The following MYO5B variants were observed in gnomAD, a reference collection of about 807,000 sequenced individuals.
The protein encoded by MYO5B is unconventional myosin-Vb.
Under a neutral mutation model 229.3 loss-of-function variants are expected in MYO5B, and 143 were observed. The observed-to-expected ratio is 0.62, with a 90% confidence interval of 0.54 to 0.72. The LOEUF (loss-of-function observed/expected upper bound fraction) is 0.72. Ranked by LOEUF, MYO5B falls within the 30% of genes least tolerant of loss-of-function variation. The pLI, the probability that MYO5B is intolerant of heterozygous loss-of-function variation, is 0.00. For synonymous variants in MYO5B, 918 were observed against 885.2 expected (o/e 1.04, Z -0.66); for missense variants, 2,321 against 2,331.0 (o/e 1.00, Z 0.09).
chr18:49,936,296 G>A lies in MYO5B; in HGVS notation c.1959C>T (p.His653=). Residue 653 remains histidine, a synonymous_variant, in exon 16 of 40, where the codon CAC becomes CAT. Coordinates refer to ENST00000285039, the MANE Select transcript of MYO5B (RefSeq NM_001080467.3). ...CGTTGGGCTTGATGCAGCGGACATA[G>A]TGAGGTGTCGTGGCATTCAGGGTCT... ...LMETLNATTP[H]YVRCIKPNDE... The A allele has an allele frequency of 6.2e-7, 1 of 1,604,210 alleles. No individual in the cohort carries two copies. Among genetic ancestry groups the A allele is most frequent in the Non-Finnish European group, 8.5e-7 (1 of 1,174,840 alleles).
At position 50,067,123 on chromosome 18, in the gene MYO5B, C is replaced by A. The variant is rs1411740936; in HGVS notation, c.28-11745G>T. ...GAGAGATGAGATTGCGTGAAATGTA[C>A]CCTTTATCCACTCTACTATGAAGAT... On this transcript the variant is annotated intron_variant, in intron 1 of 39. Coordinates refer to ENST00000285039, the MANE Select transcript of MYO5B (RefSeq NM_001080467.3). Among the ~76,000 whole-genome samples the A allele has an allele frequency of 2.0e-5, 3 of 152,104 alleles. 1 individual carries two copies. The highest frequency in any genetic ancestry group is 1.3e-4 in the Admixed American group (2 of 15,270).
intron 1 of MYO5B, among the ~76,000 whole-genome samples, chr18:50,069,206 G>T (rs2030894321): frequency 6.6e-6 from 1 of 152,174 alleles, no homozygotes; most frequent in African/African-American, 2.4e-5. Flanking sequence ...ACCATTGGAT[G>T]TTTAAAACAT....
chr18:49,997,369 C>CTTTT (rs34011258), intron 5 of MYO5B, among the ~76,000 whole-genome samples: 11 of 60,346 alleles, frequency 1.8e-4, no homozygotes, highest in Non-Finnish European at 2.4e-4. Flanking sequence ...TCCTTTCTTT[C>CTTTT]TTTTTTTTTT....
At chr18:49,987,209 A>G (rs139166499) in intron 7 of MYO5B, among the ~76,000 whole-genome samples, 1,707 of 152,138 alleles carry the variant, frequency 0.011, 13 homozygotes, top group South Asian at 0.025. Flanking sequence ...ACTTCCTCAG[A>G]CTGAGGCTTG....
At chr18:49,827,185 C>T (rs973365049) in intron 39 of MYO5B, among the ~76,000 whole-genome samples, 40 of 152,226 alleles carry the variant, frequency 2.6e-4, no homozygotes, top group African/African-American at 6.8e-4. Context: ...TTATAACAAT[C>T]GGGAGACTGA....
chr18:50,124,526 A>AAATAG, intron 1 of MYO5B, among the ~76,000 whole-genome samples: 1 of 151,646 alleles, frequency 6.6e-6, no homozygotes, highest in South Asian at 2.1e-4. Context: ...AGTGAATGTT[A>AAATAG]AAAAGAAAAA....
chr18:50,008,757 T>C (rs1277814812), intron 4 of MYO5B, among the ~76,000 whole-genome samples: 3 of 152,172 alleles, frequency 2.0e-5, no homozygotes, highest in South Asian at 4.1e-4. Flanking sequence ...AGCCCCTCTA[T>C]ATCATTTCAT....
At chr18:49,914,111 T>C (rs921402470) in intron 17 of MYO5B, among the ~76,000 whole-genome samples, 5 of 152,198 alleles carry the variant, frequency 3.3e-5, no homozygotes, top group African/African-American at 1.2e-4. Flanking sequence ...AAGTGGGCAC[T>C]GAGCTGGTTA....
At chr18:49,946,477 TCACA>T (rs1240566556) in intron 14 of MYO5B, 1 of 152,138 alleles carries the variant, frequency 6.6e-6, no homozygotes, top group Non-Finnish European at 1.5e-5. Context: ...GTATGAAAAA[TCACA>T]CTAGGAACTT....
At chr18:50,043,104 G>A (rs1483872743) in intron 2 of MYO5B, among the ~76,000 whole-genome samples, 3 of 150,946 alleles carry the variant, frequency 2.0e-5, no homozygotes, top group Admixed American at 6.7e-5. Flanking sequence ...AGGAAAAGAA[G>A]TCATTACATG....
At chr18:50,062,320 A>T (rs777400082) in intron 1 of MYO5B, among the ~76,000 whole-genome samples, 3 of 152,186 alleles carry the variant, frequency 2.0e-5, no homozygotes, top group Admixed American at 2.0e-4. Flanking sequence ...GGGAATGGAC[A>T]AGGGATCCCA....
At position 50,055,343 on chromosome 18, in the gene MYO5B, T is replaced by G; in HGVS notation, c.63A>C (p.Val21=). The change falls in exon 2 of 40, where the codon GTA becomes GTC. Residue 21 remains valine, a synonymous_variant. Transcript: ENST00000285039. ...TRVWIPDPDE[V]WRSAELTKDY... is the part of the protein sequence containing the mutation. ...CCTTGGTTAACTCAGCTGAGCGCCA[T>G]ACCTCATCAGGGTCAGGGATCCAGA... 6.2e-7 allele frequency: 1 copy of G among 1,610,640 alleles called. No individual in the cohort carries two copies. Among genetic ancestry groups the G allele is most frequent in the South Asian group, 1.1e-5 (1 of 91,004 alleles).
At chr18:49,911,964 G>T (rs1293492071) in intron 18 of MYO5B, 98 bp downstream of exon 18, 2 of 900,142 alleles carry the variant, frequency 2.2e-6, no homozygotes, top group Admixed American at 1.7e-5. Context: ...TCAGTAAGAA[G>T]GATGAAGACC....
chr18:49,878,794 C>T, intron 24 of MYO5B, 151 bp downstream of exon 24: 1 of 948,160 alleles, frequency 1.1e-6, no homozygotes, highest in African/African-American at 1.6e-5. Context: ...AGTCCAGCTA[C>T]CTTTGCCTCT....
At chr18:50,102,651 G>T (rs67235664) in intron 1 of MYO5B, among the ~76,000 whole-genome samples, 2 of 151,836 alleles carry the variant, frequency 1.3e-5, no homozygotes, top group South Asian at 4.2e-4. Flanking sequence ...ACCTGGCTCT[G>T]GAGTATAGTC....
intron 27 of MYO5B, among the ~76,000 whole-genome samples, chr18:49,869,024 G>A (rs2024428528): frequency 6.6e-6 from 1 of 152,196 alleles, no homozygotes; most frequent in South Asian, 2.1e-4. Context: ...GCATGTACCT[G>A]TGGGCAGCTT....
intron 4 of MYO5B, among the ~76,000 whole-genome samples, chr18:50,012,485 T>C (rs1310461285): frequency 6.6e-6 from 1 of 152,248 alleles, no homozygotes; most frequent in Non-Finnish European, 1.5e-5. Flanking sequence ...TACAGACAGT[T>C]TCCTCATTAA....
chr18:50,087,323 G>T (rs920840598), intron 1 of MYO5B, among the ~76,000 whole-genome samples: 4 of 152,154 alleles, frequency 2.6e-5, no homozygotes, highest in African/African-American at 9.7e-5. Flanking sequence ...TGTAATCCCA[G>T]CATTTTGGGA....
intron 1 of MYO5B, among the ~76,000 whole-genome samples, chr18:50,154,444 G>T (rs1253118965): frequency 6.6e-6 from 1 of 152,082 alleles, no homozygotes; most frequent in Non-Finnish European, 1.5e-5. Context: ...GATTGGTACG[G>T]GATTTGTCTA....
Sources: allele counts gnomAD v4.1 joint callset (sites outside exome capture counted in the v4.1 genomes callset), GRCh38; gene constraint gnomAD v4.1.1; transcripts MANE v1.5; gene names NCBI Gene and HGNC (gene_info 2026-07-23, HGNC 2026-07-21).